CERS3: variants seen among roughly 807,000 people sequenced by gnomAD.
CERS3 encodes ceramide synthase 3.
A neutral mutation model predicts 50.3 loss-of-function variants in CERS3; 33 were observed. That is an observed-to-expected ratio of 0.66 (90% confidence interval 0.50 to 0.88). The LOEUF (loss-of-function observed/expected upper bound fraction) is 0.88, where lower values mean the gene tolerates loss of function less well. CERS3 is among the 40% of genes least tolerant of loss of function. The pLI, the probability that CERS3 is intolerant of heterozygous loss-of-function variation, is 0.00. For missense variants in CERS3, 470 were observed against 460.3 expected, an observed-to-expected ratio of 1.02 and a Z score of -0.19; for synonymous variants, 176 against 155.2, an observed-to-expected ratio of 1.13 and a Z score of -0.99.
chr15:100,479,510 A>T (rs1596733074), intron 6 of CERS3, 32 bp from the exon 7 acceptor site: 26 of 1,564,836 alleles, frequency 1.7e-5, no homozygotes, highest in Non-Finnish European at 2.3e-5. Flanking sequence ...GAGCCAACAG[A>T]TGAGAAATAA....
At chr15:100,513,026 C>A (rs1389604233) in intron 2 of CERS3, among the ~76,000 whole-genome samples, 3 of 152,160 alleles carry the variant, frequency 2.0e-5, no homozygotes, top group Non-Finnish European at 2.9e-5. Context: ...ATTTTCCTAG[C>A]AAAACTAATA....
intron 11 of CERS3, among the ~76,000 whole-genome samples, chr15:100,414,147 A>G (rs555865448): frequency 1.1e-4 from 17 of 152,198 alleles, no homozygotes; most frequent in Non-Finnish European, 2.1e-4. Flanking sequence ...AGAGAATCAG[A>G]GAGCCAAATC....
rs2030617769 is a variant in CERS3, at chr15:100,402,444, G to A, written c.*269C>T. On this transcript the variant is annotated 3_prime_UTR_variant, in exon 12 of 12. Coordinates refer to ENST00000679737, the MANE Select transcript of CERS3 (RefSeq NM_001378789.1). ...CTGAGAAAGTGACATGCATGAGGGA[G>A]TGCAATTAGAACTGAGACGGTTCTG... 1 of 427,868 alleles carries A rather than the reference G, an allele frequency of 2.3e-6. No individual in the cohort carries two copies. The highest frequency in any genetic ancestry group is 4.2e-6 in the Non-Finnish European group (1 of 239,254). 26.5% of individuals were successfully genotyped at this position (427,868 alleles called of 1,614,324 possible).
At chr15:100,443,354 C>T (rs1048127948) in intron 11 of CERS3, among the ~76,000 whole-genome samples, 1,224 of 144,188 alleles carry the variant, frequency 8.5e-3, no homozygotes, top group African/African-American at 0.033. Flanking sequence ...CCTTTTAAAG[C>T]CTATAAACTC....
At position 100,401,167 on chromosome 15, in the gene CERS3, T is replaced by G. The variant is rs2030494292; in HGVS notation, c.*1546A>C. Reference sequence around the variant, plus strand: ...ATTTTCCAGTCCCTACAAGCCGACCTCTCCTGTGGCTTTCTAGTACGAGCC... The same window carrying G: ...ATTTTCCAGTCCCTACAAGCCGACCGCTCCTGTGGCTTTCTAGTACGAGCC... On this transcript the variant is annotated 3_prime_UTR_variant, in exon 12 of 12. Transcript: ENST00000679737. The G allele has an allele frequency of 6.6e-6, 1 of 152,250 alleles. No individual in the cohort carries two copies. Among genetic ancestry groups the G allele is most frequent in the African/African-American group, 2.4e-5 (1 of 41,460 alleles). 9.4% of individuals were successfully genotyped at this position (152,250 alleles called of 1,614,324 possible). A position where few individuals can be genotyped will look rare whatever the true frequency, so the allele number is the denominator to read the frequency against.
chr15:100,508,102 G>A (rs995371009), intron 2 of CERS3, among the ~76,000 whole-genome samples: 9 of 152,272 alleles, frequency 5.9e-5, no homozygotes, highest in East Asian at 3.9e-4. Flanking sequence ...TGTCTGAACC[G>A]TAAGTGTAGC....
At position 100,404,261 on chromosome 15, in the gene CERS3, G is replaced by T. The variant is rs78317279; in HGVS notation, c.1000-1396C>A. On this transcript the variant is annotated intron_variant, in intron 11 of 11. Transcript: ENST00000679737. ...AGAGAATACATTTCTGTTATTTTGA[G>T]CACCAAATTTGTAGAAATTTGTTAC... 3.7e-3 allele frequency among the ~76,000 whole-genome samples: 566 copies of T among 152,300 alleles called. 3 individuals carry two copies. The highest frequency in any genetic ancestry group is 0.012 in the African/African-American group (493 of 41,566).
intron 2 of CERS3, among the ~76,000 whole-genome samples, chr15:100,517,351 G>A (rs2036521384): frequency 6.6e-6 from 1 of 152,202 alleles, no homozygotes; most frequent in Non-Finnish European, 1.5e-5. Flanking sequence ...CCAGCCAGCA[G>A]TCCCTCATTT....
intron 11 of CERS3, among the ~76,000 whole-genome samples, chr15:100,447,301 C>T (rs1246638559): frequency 6.6e-6 from 1 of 152,220 alleles, no homozygotes; most frequent in Non-Finnish European, 1.5e-5. Context: ...TATCTAATAA[C>T]TCTTTCAAGC....
chr15:100,437,173 C>A (rs1011905342), intron 11 of CERS3, among the ~76,000 whole-genome samples: 2 of 152,046 alleles, frequency 1.3e-5, no homozygotes, highest in Admixed American at 6.5e-5. Flanking sequence ...TCTTGATCTC[C>A]TGACCTCGTG....
rs8042778 is a variant in CERS3, at chr15:100,416,310, A to T, written c.1000-13445T>A. On this transcript the variant is annotated intron_variant, in intron 11 of 11. Coordinates refer to ENST00000679737, the MANE Select transcript of CERS3 (RefSeq NM_001378789.1). ...ACACAGAAACAATGGAACAGATTAA[A>T]GAGCCAGAAATAAGGGGGCACACTC... is the stretch of plus-strand genomic sequence containing the variant. Among the ~76,000 whole-genome samples, 3 of 152,054 alleles carry T rather than the reference A, an allele frequency of 2.0e-5. No individual in the cohort carries two copies. In the South Asian group the frequency reaches 6.2e-4, roughly 32 times the overall value.
At chr15:100,501,972 C>A (rs376876478) in intron 2 of CERS3, 122 bp from the exon 3 acceptor site, 2 of 973,994 alleles carry the variant, frequency 2.1e-6, no homozygotes, top group Non-Finnish European at 1.5e-6. Context: ...AGAGGCCTAG[C>A]GCAGTGGCTC....
chr15:100,543,654 C>T (rs1409086703), intron 1 of CERS3, among the ~76,000 whole-genome samples: 3 of 151,928 alleles, frequency 2.0e-5, no homozygotes, highest in Non-Finnish European at 4.4e-5. Flanking sequence ...CTCAGCCTCC[C>T]CAGTAGCTGG....
At chr15:100,452,073 C>T (rs1195205574) in intron 11 of CERS3, among the ~76,000 whole-genome samples, 3 of 152,028 alleles carry the variant, frequency 2.0e-5, no homozygotes, top group Admixed American at 6.6e-5. Context: ...ATCATCTGGA[C>T]GGAATATTTA....
chr15:100,538,368 G>A (rs1002471020), intron 1 of CERS3, among the ~76,000 whole-genome samples: 1 of 152,186 alleles, frequency 6.6e-6, no homozygotes, highest in African/African-American at 2.4e-5. Flanking sequence ...CTTCTGCACT[G>A]CCCTAGCAGA....
intron 4 of CERS3, among the ~76,000 whole-genome samples, chr15:100,486,389 T>C (rs1057292881): frequency 1.3e-5 from 2 of 152,164 alleles, no homozygotes; most frequent in South Asian, 2.1e-4. Context: ...CACCGCACTT[T>C]GACCCCCATG....
rs536281764 is a variant in CERS3, at chr15:100,537,843, G to A, written c.-355+6808C>T. 9.2e-5 allele frequency among the ~76,000 whole-genome samples: 14 copies of A among 152,188 alleles called. No homozygotes were observed. The East Asian group carries it at 2.5e-3, about 27-fold the overall frequency. On this transcript the variant is annotated intron_variant, in intron 1 of 12. Transcript: ENST00000284382. ...TTCCCCAAAGTCTTAATTCATTCCA[G>A]CATTAACCCAAAAGTCCAAGTCCAA...
chr15:100,531,752 T>C (rs939304331), upstream of CERS3, among the ~76,000 whole-genome samples: 4 of 152,224 alleles, frequency 2.6e-5, no homozygotes, highest in Admixed American at 2.0e-4. Flanking sequence ...TTTCCTTTTA[T>C]GAGAAAACGG....
chr15:100,533,131 C>T (rs1344709101), upstream of CERS3, among the ~76,000 whole-genome samples: 1 of 152,206 alleles, frequency 6.6e-6, no homozygotes, highest in Non-Finnish European at 1.5e-5. Context: ...GGAGAAGACC[C>T]TCTGCTGTCA....
Sources: gnomAD v4.1 joint callset for allele counts (sites outside exome capture counted in the v4.1 genomes callset) on GRCh38, gnomAD v4.1.1 for gene constraint, MANE v1.5 for transcripts, NCBI Gene and HGNC (gene_info 2026-07-23, HGNC 2026-07-21) for gene names.